Variants in SLC44A5 observed in about 807,000 individuals in gnomAD.
SLC44A5 encodes choline transporter-like protein 5.
SLC44A5 carries 57 observed loss-of-function variants against 101.8 expected under a neutral mutation model. The ratio of observed to expected loss-of-function variants is 0.56; its 90% CI spans 0.45 to 0.70. The LOEUF (loss-of-function observed/expected upper bound fraction) is 0.70. Ranked by LOEUF, SLC44A5 falls within the 30% of genes least tolerant of loss-of-function variation. SLC44A5 has a pLI of 0.00. For synonymous variants in SLC44A5, 281 were observed against 290.9 expected (o/e 0.97, Z 0.35); for missense variants, 737 against 853.1 (o/e 0.86, Z 1.70).
At chr1:75,404,044 G>A (rs933552264) in intron 2 of SLC44A5, among the ~76,000 whole-genome samples, 7 of 151,922 alleles carry the variant, frequency 4.6e-5, no homozygotes, top group Admixed American at 2.6e-4. Context: ...CAAGAACTTT[G>A]TGAAGCATAC....
At chr1:75,518,924 G>C (rs1364111968) in intron 2 of SLC44A5, among the ~76,000 whole-genome samples, 1 of 152,126 alleles carries the variant, frequency 6.6e-6, no homozygotes, top group Non-Finnish European at 1.5e-5. Context: ...ATTAAATGCT[G>C]GTGATGGTTT....
the SLC44A5 span, among the ~76,000 whole-genome samples, chr1:75,659,486 A>C: frequency 4.9e-4 from 34 of 69,708 alleles, 2 homozygotes; most frequent in Non-Finnish European, 2.3e-4. Context: ...GGAAGGAAGG[A>C]AGGAAGGCAG....
At chr1:75,713,000 C>T in the SLC44A5 span, among the ~76,000 whole-genome samples, 19 of 152,276 alleles carry the variant, frequency 1.2e-4, no homozygotes, top group Middle Eastern at 3.4e-3. Context: ...GCTCACTCCA[C>T]GATGACAACC....
intron 4 of SLC44A5, among the ~76,000 whole-genome samples, chr1:75,336,305 C>G (rs1361861144): frequency 6.6e-6 from 1 of 151,982 alleles, no homozygotes; most frequent in Non-Finnish European, 1.5e-5. Flanking sequence ...AGGCACGCAC[C>G]ACCACACCCG....
intron 5 of SLC44A5, among the ~76,000 whole-genome samples, chr1:75,281,102 G>A (rs1182676032): frequency 6.6e-6 from 1 of 152,136 alleles, no homozygotes; most frequent in Non-Finnish European, 1.5e-5. Flanking sequence ...GAGACTTGGA[G>A]GGCTCAGAAG....
chr1:75,528,327 G>A (rs1266692463), intron 2 of SLC44A5, among the ~76,000 whole-genome samples: 1 of 151,886 alleles, frequency 6.6e-6, no homozygotes, highest in Non-Finnish European at 1.5e-5. Context: ...GAATATTCAG[G>A]AAGCAAAAAA....
In SLC44A5 at chr1:75,234,027, A is replaced by T. The variant is rs1411584963; in HGVS notation, c.812T>A (p.Phe271Tyr). 21 of 1,613,466 alleles carry T rather than the reference A, an allele frequency of 1.3e-5. No homozygotes were observed. Among genetic ancestry groups the T allele is most frequent in the Non-Finnish European group, 1.6e-5 (19 of 1,179,656 alleles). Residue 271 changes from phenylalanine to tyrosine, a missense_variant, in exon 12 of 24, where the codon TTC becomes TAC. Physicochemically the swap from Phe to Tyr is conservative, Grantham distance 22 (BLOSUM62 3). Around this residue, in one of 3 missense-constraint regions of SLC44A5, gnomAD observed 665 missense variants for 764.4 expected, o/e 0.87. Transcript: ENST00000370859. ...AATCACACCAATCATGAAGACCCAG[A>T]AGAGGCATCCAGCTATGAACCTCAG... ...ILLRFIAGCLFWVFMIGVIGI... is the reference protein window; with the variant it reads ...ILLRFIAGCLYWVFMIGVIGI...
At chr1:75,214,098 A>G (rs1646914631) in intron 20 of SLC44A5, 109 bp from the exon 21 acceptor site, 2 of 712,522 alleles carry the variant, frequency 2.8e-6, no homozygotes, top group Non-Finnish European at 4.8e-6. Flanking sequence ...TCTTTGCTGA[A>G]ATTGTATTTG....
chr1:75,342,511 G>A (rs1268275627), intron 3 of SLC44A5, among the ~76,000 whole-genome samples: 1 of 150,822 alleles, frequency 6.6e-6, no homozygotes, highest in Non-Finnish European at 1.5e-5. Flanking sequence ...CTAACAAGAG[G>A]CGGAGGTGGC....
chr1:75,250,657 G>C (rs923191741), intron 7 of SLC44A5, among the ~76,000 whole-genome samples: 15 of 152,158 alleles, frequency 9.9e-5, no homozygotes, highest in Admixed American at 9.2e-4. Context: ...TTTAAGAGCA[G>C]GATGTTTTAT....
chr1:75,210,935 T>A (rs974342443), intron 23 of SLC44A5, among the ~76,000 whole-genome samples: 2 of 152,202 alleles, frequency 1.3e-5, no homozygotes, highest in Admixed American at 6.6e-5. Flanking sequence ...AGGTGTGTAA[T>A]GTTTTGATAT....
the SLC44A5 span, among the ~76,000 whole-genome samples, chr1:75,638,529 G>C: frequency 6.6e-6 from 1 of 151,990 alleles, no homozygotes; most frequent in African/African-American, 2.4e-5. Context: ...AACTAAGGTA[G>C]GAAAGCCAAC....
chr1:75,265,745 C>A (rs949786958), intron 6 of SLC44A5, among the ~76,000 whole-genome samples: 1 of 152,098 alleles, frequency 6.6e-6, no homozygotes, highest in Non-Finnish European at 1.5e-5. Context: ...GAGCATTGTC[C>A]TCTTAATCTT....
chr1:75,557,133 A>C (rs2101997174), intron 1 of SLC44A5, among the ~76,000 whole-genome samples: 1 of 152,248 alleles, frequency 6.6e-6, no homozygotes, highest in Middle Eastern at 3.4e-3. Context: ...AATTTCTGCC[A>C]TTGCTACTAA....
intron 1 of SLC44A5, among the ~76,000 whole-genome samples, chr1:75,545,294 T>C (rs1212758934): frequency 6.6e-6 from 1 of 152,194 alleles, no homozygotes; most frequent in African/African-American, 2.4e-5. Flanking sequence ...TCTTTGCTAT[T>C]GTGAATAGTG....
intron 10 of SLC44A5, 58 bp from the exon 11 acceptor site, chr1:75,237,128 T>A: frequency 9.5e-7 from 1 of 1,051,806 alleles, no homozygotes; most frequent in East Asian, 2.5e-5. Context: ...AACAGAAATG[T>A]TCTTTTTATG....
the SLC44A5 span, among the ~76,000 whole-genome samples, chr1:75,705,560 A>T: frequency 1.1e-4 from 17 of 152,308 alleles, no homozygotes; most frequent in South Asian, 6.2e-4. Flanking sequence ...TGATTTTTTT[A>T]AATATTCACT....
intron 3 of SLC44A5, among the ~76,000 whole-genome samples, chr1:75,383,308 C>T (rs1157091284): frequency 2.2e-5 from 3 of 133,666 alleles, no homozygotes; most frequent in African/African-American, 2.9e-5. Flanking sequence ...AACTCAGAGG[C>T]TGGCGGGATC....
the SLC44A5 span, among the ~76,000 whole-genome samples, chr1:75,675,814 G>A: frequency 6.6e-6 from 1 of 151,944 alleles, no homozygotes; most frequent in African/African-American, 2.4e-5. Flanking sequence ...ATCTAACAAA[G>A]GTCTAATATC....
Sources: gnomAD v4.1 joint callset for allele counts (sites outside exome capture counted in the v4.1 genomes callset) on GRCh38, gnomAD v4.1.1 for gene constraint, gnomAD v4.1.1 regional missense constraint, MANE v1.5 for transcripts, NCBI Gene and HGNC (gene_info 2026-07-23, HGNC 2026-07-21) for gene names.